Variants in MSH3 observed in about 807,000 individuals in gnomAD.
The protein encoded by MSH3 is DNA mismatch repair protein Msh3.
MSH3 carries 106 observed loss-of-function variants against 123.3 expected under a neutral mutation model. The observed-to-expected ratio is 0.86, with a 90% CI of 0.73 to 1.01. The LOEUF (loss-of-function observed/expected upper bound fraction) is 1.01, where lower values mean the gene tolerates loss of function less well. Among genes scored for constraint, MSH3 ranks in the 50% least tolerant of loss-of-function variants. The pLI is 0.00. For synonymous variants in MSH3, 515 were observed against 481.4 expected (o/e 1.07, Z -0.91); for missense variants, 1,459 against 1,347.6 (o/e 1.08, Z -1.29).
intron 8 of MSH3, among the ~76,000 whole-genome samples, chr5:80,699,880 T>C (rs1445804119): frequency 1.3e-5 from 2 of 152,214 alleles, no homozygotes; most frequent in Non-Finnish European, 2.9e-5. Context: ...AACTAGGCAC[T>C]AGCCTCCCCT....
intron 8 of MSH3, among the ~76,000 whole-genome samples, chr5:80,693,624 T>TACAC (rs370934498): frequency 0.024 from 3,472 of 146,024 alleles, 76 homozygotes; most frequent in African/African-American, 0.043. Flanking sequence ...CACACACATA[T>TACAC]ACACACACAC....
chr5:80,768,229 A>T, intron 14 of MSH3, 109 bp downstream of exon 14: 11 of 989,390 alleles, frequency 1.1e-5, no homozygotes, highest in Non-Finnish European at 1.8e-5. Flanking sequence ...TAGAAGTTGC[A>T]TGAGTACATA....
chr5:80,737,842 T>C (rs1743540622), intron 10 of MSH3, among the ~76,000 whole-genome samples: 1 of 152,186 alleles, frequency 6.6e-6, no homozygotes, highest in African/African-American at 2.4e-5. Context: ...TTGATAATTA[T>C]TCTAGATGGG....
chr5:80,785,348 A>G (rs1343276461), intron 17 of MSH3, among the ~76,000 whole-genome samples: 1 of 152,238 alleles, frequency 6.6e-6, no homozygotes, highest in Non-Finnish European at 1.5e-5. Context: ...TACTGGCCAC[A>G]TGAAAAAATG....
intron 20 of MSH3, among the ~76,000 whole-genome samples, chr5:80,852,470 C>G (rs1745846491): frequency 6.6e-6 from 1 of 152,186 alleles, no homozygotes; most frequent in Non-Finnish European, 1.5e-5. Context: ...CACATCCTGC[C>G]ACAATAAAGG....
At chr5:80,798,823 C>G (rs1744742011) in intron 19 of MSH3, among the ~76,000 whole-genome samples, 1 of 152,190 alleles carries the variant, frequency 6.6e-6, no homozygotes, top group Non-Finnish European at 1.5e-5. Context: ...CTCTTCTTAT[C>G]TCTTACCTGT....
chr5:80,693,130 T>G (rs1750357720), intron 8 of MSH3, among the ~76,000 whole-genome samples: 2 of 113,784 alleles, frequency 1.8e-5, no homozygotes. Context: ...TAGATAAATA[T>G]ACATGCACAT....
chr5:80,830,400 A>T (rs1391427255), intron 20 of MSH3, among the ~76,000 whole-genome samples: 3 of 152,234 alleles, frequency 2.0e-5, no homozygotes, highest in African/African-American at 7.2e-5. Flanking sequence ...TTATAGGAAG[A>T]AAAACAGGAT....
At chr5:80,766,441 G>T (rs1266931140) in intron 13 of MSH3, among the ~76,000 whole-genome samples, 6 of 149,290 alleles carry the variant, frequency 4.0e-5, no homozygotes, top group African/African-American at 1.2e-4. Flanking sequence ...CGCCTTCCAG[G>T]CTCAAGCGAT....
intron 2 of MSH3, among the ~76,000 whole-genome samples, chr5:80,663,621 C>T (rs759070553): frequency 6.0e-5 from 9 of 151,202 alleles, no homozygotes; most frequent in East Asian, 1.9e-4. Flanking sequence ...TTTTGAAGAG[C>T]GATACAAATA....
rs1341352176 is a variant in MSH3, at chr5:80,779,550, A to T, written c.2435+714A>T. On this transcript the variant is annotated intron_variant, in intron 17 of 23. Transcript: ENST00000265081. ...TTACATCTAAAAAAAATTAACATTA[A>T]TTTTTTTTTTTTTTTTTTGAGGTGG... Among the ~76,000 whole-genome samples, 6 of 138,236 alleles carry T rather than the reference A, an allele frequency of 4.3e-5. No homozygotes were observed. In the East Asian group the frequency reaches 6.2e-4, roughly 14 times the overall value. The allele number at this position is 138,236 out of a possible 152,430, so 90.7% of individuals were successfully genotyped here.
intron 10 of MSH3, among the ~76,000 whole-genome samples, chr5:80,735,227 T>C (rs1206639201): frequency 1.3e-5 from 2 of 150,870 alleles, no homozygotes; most frequent in African/African-American, 4.9e-5. Flanking sequence ...CTACTGAAAA[T>C]ACAAAAATTA....
At chr5:80,686,944 TCTTAA>T (rs1227448285) in intron 8 of MSH3, among the ~76,000 whole-genome samples, 1 of 152,190 alleles carries the variant, frequency 6.6e-6, no homozygotes, top group South Asian at 2.1e-4. Context: ...TTTTTGGTAT[TCTTAA>T]CTTTAACCAC....
At chr5:80,661,454 G>A (rs1002638000) in intron 2 of MSH3, among the ~76,000 whole-genome samples, 2 of 151,836 alleles carry the variant, frequency 1.3e-5, no homozygotes, top group African/African-American at 4.8e-5. Context: ...TTAATAAAAT[G>A]TTCGTTTTCC....
At chr5:80,705,360 C>G (rs1750697781) in intron 8 of MSH3, among the ~76,000 whole-genome samples, 1 of 152,178 alleles carries the variant, frequency 6.6e-6, no homozygotes, top group Non-Finnish European at 1.5e-5. Flanking sequence ...CCGCTTGTAG[C>G]TGCTTGTAAG....
intron 22 of MSH3, among the ~76,000 whole-genome samples, chr5:80,867,508 G>A (rs1452964900): frequency 6.6e-6 from 1 of 152,186 alleles, no homozygotes; most frequent in Non-Finnish European, 1.5e-5. Context: ...ACTTTGATGG[G>A]CCTAGATGAA....
chr5:80,783,976 G>C (rs1231992016), intron 17 of MSH3, among the ~76,000 whole-genome samples: 1 of 151,982 alleles, frequency 6.6e-6, no homozygotes, highest in Non-Finnish European at 1.5e-5. Context: ...TTCGGAGACT[G>C]AGACAGGTGG....
At chr5:80,830,204 G>A (rs6151901) in intron 20 of MSH3, among the ~76,000 whole-genome samples, 11,874 of 151,762 alleles carry the variant, frequency 0.078, 878 homozygotes, top group East Asian at 0.33. Flanking sequence ...TTTCTCTATT[G>A]ATTTTCTATT....
intron 8 of MSH3, among the ~76,000 whole-genome samples, chr5:80,692,410 A>AGAT (rs1182555280): frequency 2.7e-5 from 1 of 37,378 alleles, no homozygotes; most frequent in Non-Finnish European, 4.4e-5. Context: ...TTAGATAGAT[A>AGAT]AACATGTATA....
Sources: gnomAD v4.1 joint callset for allele counts (sites outside exome capture counted in the v4.1 genomes callset) on GRCh38, gnomAD v4.1.1 for gene constraint, MANE v1.5 for transcripts, NCBI Gene and HGNC (gene_info 2026-07-23, HGNC 2026-07-21) for gene names.